The following CSMD3 variants were observed in gnomAD, a reference collection of about 807,000 sequenced individuals.
CSMD3 encodes the protein CUB and Sushi multiple domains 3.
A neutral mutation model predicts 435.2 loss-of-function variants in CSMD3; 177 were observed. The ratio of observed to expected loss-of-function variants is 0.41; its 90% CI spans 0.36 to 0.46. CSMD3 has a LOEUF of 0.46. Among genes scored for constraint, CSMD3 ranks in the 20% least tolerant of loss-of-function variants. CSMD3 has a pLI of 0.34. For missense variants in CSMD3, 4,265 were observed against 4,504.6 expected, an observed-to-expected ratio of 0.95 and a Z score of 1.52; for synonymous variants, 1,656 against 1,520.5, an observed-to-expected ratio of 1.09 and a Z score of -2.07.
intron 5 of CSMD3, among the ~76,000 whole-genome samples, chr8:113,065,374 G>A (rs1444363537): frequency 6.6e-6 from 1 of 152,026 alleles, no homozygotes; most frequent in Non-Finnish European, 1.5e-5. Context: ...GAATAAAACA[G>A]CCTCATGTTT....
rs541254103 is a variant in CSMD3, at chr8:112,314,164, A to T, written c.7550-112T>A. On this transcript the variant is annotated intron_variant, in intron 48 of 70. Transcript: ENST00000297405. ...ATATGGTTAAATTGCTTCACCACCA[A>T]TCTACCTCATTAACAATAATTGAAA... 1.4e-5 allele frequency: 11 copies of T among 808,494 alleles called. No individual in the cohort carries two copies. In the South Asian group the frequency reaches 1.5e-4, roughly 11 times the overall value. 50.1% of individuals were successfully genotyped at this position (808,494 alleles called of 1,614,324 possible).
At chr8:112,891,188 C>T (rs1458804860) in intron 10 of CSMD3, among the ~76,000 whole-genome samples, 1 of 151,574 alleles carries the variant, frequency 6.6e-6, no homozygotes, top group African/African-American at 2.4e-5. Flanking sequence ...GTGTGATCTG[C>T]AGCAGTTGTC....
chr8:113,411,019 TAAAG>T (rs1328488615), intron 1 of CSMD3, among the ~76,000 whole-genome samples: 4 of 115,042 alleles, frequency 3.5e-5, no homozygotes, highest in South Asian at 5.6e-4. Context: ...GAAAGAAAAA[TAAAG>T]AAAGAAAAAG....
At chr8:112,738,546 T>C (rs2077235082) in intron 13 of CSMD3, among the ~76,000 whole-genome samples, 1 of 151,794 alleles carries the variant, frequency 6.6e-6, no homozygotes, top group African/African-American at 2.4e-5. Context: ...AGAAATATTT[T>C]AATTTCAAAG....
intron 31 of CSMD3, among the ~76,000 whole-genome samples, chr8:112,478,657 G>A (rs1245033301): frequency 6.6e-6 from 1 of 152,050 alleles, no homozygotes; most frequent in Non-Finnish European, 1.5e-5. Context: ...TACTGAGAGC[G>A]GCAGGAGGCA....
chr8:112,859,045 T>C, intron 11 of CSMD3, 100 bp downstream of exon 11: 3 of 1,127,436 alleles, frequency 2.7e-6, no homozygotes, highest in Non-Finnish European at 4.0e-6. Flanking sequence ...AAATCCTACT[T>C]GAGTTATAAA....
chr8:113,055,760 C>CAGGGA (rs2088304434), intron 5 of CSMD3, among the ~76,000 whole-genome samples: 1 of 152,146 alleles, frequency 6.6e-6, no homozygotes, highest in Non-Finnish European at 1.5e-5. Context: ...AGCAGAGTTT[C>CAGGGA]TTGAGTATAT....
chr8:113,277,889 C>T (rs1448990686), intron 3 of CSMD3, among the ~76,000 whole-genome samples: 2 of 149,910 alleles, frequency 1.3e-5, no homozygotes, highest in African/African-American at 2.5e-5. Flanking sequence ...TTTTAAAAAG[C>T]AAAACATGTA....
intron 3 of CSMD3, among the ~76,000 whole-genome samples, chr8:113,188,062 C>G (rs1390724549): frequency 5.3e-5 from 8 of 152,004 alleles, no homozygotes; most frequent in African/African-American, 1.9e-4. Flanking sequence ...CCACCTTCTC[C>G]ATAAAGCCTT....
At chr8:112,483,527 G>A (rs1819832137) in intron 31 of CSMD3, among the ~76,000 whole-genome samples, 1 of 152,098 alleles carries the variant, frequency 6.6e-6, no homozygotes, top group African/African-American at 2.4e-5. Context: ...TTAAATTCCA[G>A]CTTCAGTCTT....
chr8:112,407,510 G>A (rs946047722), intron 34 of CSMD3, among the ~76,000 whole-genome samples: 1 of 151,874 alleles, frequency 6.6e-6, no homozygotes. Context: ...CTTCTTATGC[G>A]ACTTGAGTAA....
chr8:112,526,710 T>G (rs1049271581), intron 27 of CSMD3, among the ~76,000 whole-genome samples: 2 of 152,008 alleles, frequency 1.3e-5, no homozygotes, highest in Non-Finnish European at 2.9e-5. Context: ...TTGTGGCCTT[T>G]GCTCACTTTA....
chr8:112,791,846 G>C (rs1416883374), intron 13 of CSMD3, among the ~76,000 whole-genome samples: 1 of 152,102 alleles, frequency 6.6e-6, no homozygotes, highest in Non-Finnish European at 1.5e-5. Flanking sequence ...CCTTCTAACA[G>C]TGTATGAGAG....
chr8:112,636,778 A>C (rs1247965254), intron 22 of CSMD3, 39 bp downstream of exon 22: 2 of 1,523,650 alleles, frequency 1.3e-6, no homozygotes, highest in Non-Finnish European at 1.8e-6. Flanking sequence ...ATGGACAGTG[A>C]CTACACATAC....
intron 32 of CSMD3, among the ~76,000 whole-genome samples, chr8:112,452,474 A>G (rs1371980242): frequency 6.6e-6 from 1 of 152,216 alleles, no homozygotes; most frequent in Non-Finnish European, 1.5e-5. Context: ...CAGGTGTTCT[A>G]GGCTAGTAAA....
intron 13 of CSMD3, among the ~76,000 whole-genome samples, chr8:112,773,492 A>G (rs895398026): frequency 8.6e-5 from 13 of 152,014 alleles, no homozygotes; most frequent in Non-Finnish European, 1.8e-4. Flanking sequence ...AACACACAAA[A>G]AGCATGAGAA....
intron 1 of CSMD3, among the ~76,000 whole-genome samples, chr8:113,436,252 T>C (rs2094705517): frequency 1.3e-5 from 2 of 152,210 alleles, no homozygotes; most frequent in South Asian, 4.1e-4. Context: ...TCGATAACTT[T>C]CTTCCCTGAA....
intron 47 of CSMD3, among the ~76,000 whole-genome samples, chr8:112,315,240 A>G (rs1337933141): frequency 6.6e-6 from 1 of 151,878 alleles, no homozygotes; most frequent in East Asian, 1.9e-4. Flanking sequence ...CTCTGCTTTA[A>G]TATAATATAT....
intron 54 of CSMD3, among the ~76,000 whole-genome samples, chr8:112,294,878 TATTTA>T (rs1425608361): frequency 6.6e-6 from 1 of 152,120 alleles, no homozygotes; most frequent in Non-Finnish European, 1.5e-5. Context: ...AATAAACTTT[TATTTA>T]TTTTCTTTTT....
Sources: gnomAD v4.1 joint callset for allele counts (sites outside exome capture counted in the v4.1 genomes callset) on GRCh38, gnomAD v4.1.1 for gene constraint, MANE v1.5 for transcripts, NCBI Gene and HGNC (gene_info 2026-07-23, HGNC 2026-07-21) for gene names.